Variants in SLC9A9 observed in about 807,000 individuals in gnomAD.
The protein encoded by SLC9A9 is solute carrier family 9 member A9.
Under a neutral mutation model 77.8 loss-of-function variants are expected in SLC9A9, and 62 were observed. That is an observed-to-expected ratio of 0.80 (90% CI 0.65 to 0.98). The LOEUF is 0.98. Among genes scored for constraint, SLC9A9 ranks in the 50% least tolerant of loss-of-function variants. The pLI, the probability that SLC9A9 is intolerant of heterozygous loss-of-function variation, is 0.00. For synonymous variants in SLC9A9, 320 were observed against 283.5 expected (o/e 1.13, Z -1.29); for missense variants, 775 against 774.9 (o/e 1.00, Z 0.00).
intron 5 of SLC9A9, among the ~76,000 whole-genome samples, chr3:143,680,166 A>T (rs1466713415): frequency 6.6e-6 from 1 of 152,136 alleles, no homozygotes; most frequent in Non-Finnish European, 1.5e-5. Context: ...AAAGAAAATA[A>T]CTTTGAATCT....
Position 143,265,795 on chromosome 3 carries a change from C to G in SLC9A9, c.*907G>C. 1.8e-6 allele frequency: 1 copy of G among 560,104 alleles called. No individual in the cohort carries two copies. The highest frequency in any genetic ancestry group is 3.2e-6 in the Non-Finnish European group (1 of 315,872). 34.7% of individuals were successfully genotyped at this position (560,104 alleles called of 1,614,324 possible). On this transcript the variant is annotated 3_prime_UTR_variant, in exon 16 of 16. Coordinates refer to ENST00000316549, the MANE Select transcript of SLC9A9 (RefSeq NM_173653.4). ...CTGCACTGCTCATCAGCTGTGAATG[C>G]TGGAATTGGAGGACAGGTTGGGGCT...
Position 143,266,058 on chromosome 3 carries a change from T to C in SLC9A9, c.*644A>G, listed in dbSNP as rs1372283934. ...ATTTAGGGCAGGGCACACCCAGCCATAGGCAACCCCTTTGAGCGATGGGAG... is the reference window on the plus strand; with the variant it reads ...ATTTAGGGCAGGGCACACCCAGCCACAGGCAACCCCTTTGAGCGATGGGAG... On this transcript the variant is annotated 3_prime_UTR_variant, in exon 16 of 16. Coordinates refer to ENST00000316549, the MANE Select transcript of SLC9A9 (RefSeq NM_173653.4). 2.8e-6 allele frequency: 2 copies of C among 702,458 alleles called. No individual in the cohort carries two copies. Among genetic ancestry groups the C allele is most frequent in the African/African-American group, 3.5e-5 (2 of 57,366 alleles). The allele number at this position is 702,458 out of a possible 1,614,324, so 43.5% of individuals were successfully genotyped here.
intron 4 of SLC9A9, among the ~76,000 whole-genome samples, chr3:143,710,764 T>C (rs1387375134): frequency 3.3e-5 from 5 of 152,228 alleles, no homozygotes; most frequent in East Asian, 3.9e-4. Context: ...AACTTGTGAT[T>C]TGAATATAAC....
At chr3:143,276,800 C>A (rs2108402523) in intron 14 of SLC9A9, among the ~76,000 whole-genome samples, 1 of 151,720 alleles carries the variant, frequency 6.6e-6, no homozygotes, top group South Asian at 2.1e-4. Context: ...TCCAAAAAAA[C>A]TGCCTACATG....
intron 9 of SLC9A9, among the ~76,000 whole-genome samples, chr3:143,539,960 A>T (rs2036658645): frequency 6.6e-6 from 1 of 152,122 alleles, no homozygotes; most frequent in Admixed American, 6.5e-5. Flanking sequence ...AAGAATACAA[A>T]ACCATGATTT....
chr3:143,329,409 T>G (rs749104075), intron 14 of SLC9A9, among the ~76,000 whole-genome samples: 2 of 152,216 alleles, frequency 1.3e-5, no homozygotes, highest in Non-Finnish European at 2.9e-5. Flanking sequence ...TAATTCTCCT[T>G]TGCATTGGCA....
chr3:143,611,313 TACTAAATAGG>T (rs1395981119), intron 6 of SLC9A9, among the ~76,000 whole-genome samples: 1 of 152,116 alleles, frequency 6.6e-6, no homozygotes. Flanking sequence ...CCAATATTTT[TACTAAATAGG>T]TTCCATAAGA....
intron 5 of SLC9A9, among the ~76,000 whole-genome samples, chr3:143,674,113 T>C (rs2039200922): frequency 1.3e-5 from 2 of 152,236 alleles, no homozygotes; most frequent in African/African-American, 2.4e-5. Flanking sequence ...TAATTTTCCA[T>C]ACAGCTCTTC....
intron 5 of SLC9A9, among the ~76,000 whole-genome samples, chr3:143,662,432 G>T (rs2038992549): frequency 6.6e-6 from 1 of 152,226 alleles, no homozygotes; most frequent in South Asian, 2.1e-4. Context: ...GAGGTATTGG[G>T]TTCATCTCAC....
chr3:143,767,577 C>A lies in SLC9A9; in HGVS notation c.533+27424G>T, dbSNP rs116420584. Among the ~76,000 whole-genome samples the A allele has an allele frequency of 3.4e-3, 517 of 152,184 alleles. 3 individuals carry two copies. The highest frequency in any genetic ancestry group is 0.014 in the Middle Eastern group (4 of 294). Reference sequence around the variant, plus strand: ...AGCATCACACCTATTGAAAAGAACACCATAGACTCCTTGGTTTCTATTATT... The same window carrying A: ...AGCATCACACCTATTGAAAAGAACAACATAGACTCCTTGGTTTCTATTATT... On this transcript the variant is annotated intron_variant, in intron 4 of 15. Coordinates refer to ENST00000316549, the MANE Select transcript of SLC9A9 (RefSeq NM_173653.4).
At chr3:143,818,607 C>T (rs2009082747) in intron 2 of SLC9A9, among the ~76,000 whole-genome samples, 1 of 151,938 alleles carries the variant, frequency 6.6e-6, no homozygotes, top group Non-Finnish European at 1.5e-5. Context: ...GCATGCCTGG[C>T]CATGATTTTT....
At chr3:143,555,757 C>T (rs2036968574) in intron 8 of SLC9A9, among the ~76,000 whole-genome samples, 1 of 152,174 alleles carries the variant, frequency 6.6e-6, no homozygotes, top group Non-Finnish European at 1.5e-5. Flanking sequence ...TCCCTAGTGG[C>T]TGCATTGGTT....
intron 5 of SLC9A9, among the ~76,000 whole-genome samples, chr3:143,681,736 G>A (rs1189501842): frequency 2.0e-5 from 3 of 152,186 alleles, no homozygotes; most frequent in African/African-American, 7.2e-5. Flanking sequence ...GAAAAGTCTT[G>A]ATGTGCTTTT....
At chr3:143,623,840 A>G (rs1046010388) in intron 6 of SLC9A9, among the ~76,000 whole-genome samples, 8 of 152,194 alleles carry the variant, frequency 5.3e-5, no homozygotes, top group African/African-American at 1.9e-4. Flanking sequence ...GTTTTTTGAA[A>G]AGATCAACAA....
chr3:143,324,546 G>A (rs1256278510), intron 14 of SLC9A9, among the ~76,000 whole-genome samples: 1 of 152,206 alleles, frequency 6.6e-6, no homozygotes, highest in African/African-American at 2.4e-5. Flanking sequence ...TGCTGGCTGG[G>A]GGCAGTGGCT....
intron 14 of SLC9A9, among the ~76,000 whole-genome samples, chr3:143,290,568 A>G (rs1300769386): frequency 6.6e-6 from 1 of 152,188 alleles, no homozygotes; most frequent in African/African-American, 2.4e-5. Flanking sequence ...GCTGTCAGCC[A>G]TCACACATAG....
chr3:143,371,935 A>G, intron 13 of SLC9A9: 1 of 374,252 alleles, frequency 2.7e-6, no homozygotes, highest in Admixed American at 3.0e-5. Context: ...GACCAAGCTG[A>G]GAATCAAATC....
intron 5 of SLC9A9, among the ~76,000 whole-genome samples, chr3:143,674,635 C>T (rs2039210991): frequency 6.6e-6 from 1 of 152,056 alleles, no homozygotes; most frequent in African/African-American, 2.4e-5. Context: ...GAGCTGGTGG[C>T]ATCTCAAGAG....
chr3:143,323,535 G>A (rs1044215336), intron 14 of SLC9A9, among the ~76,000 whole-genome samples: 10 of 152,152 alleles, frequency 6.6e-5, no homozygotes, highest in African/African-American at 2.4e-4. Flanking sequence ...CATGGAGGTA[G>A]AGAGTGTAAA....
Sources: gnomAD v4.1 joint callset for allele counts (sites outside exome capture counted in the v4.1 genomes callset) on GRCh38, gnomAD v4.1.1 for gene constraint, MANE v1.5 for transcripts, NCBI Gene and HGNC (gene_info 2026-07-23, HGNC 2026-07-21) for gene names.